MROH7: variants seen among roughly 807,000 people sequenced by gnomAD.
The protein encoded by MROH7 is maestro heat like repeat family member 7, also known as maestro heat-like repeat-containing protein family member 7.
A neutral mutation model predicts 129.2 loss-of-function variants in MROH7; 113 were observed. The ratio of observed to expected loss-of-function variants is 0.87; its 90% CI spans 0.75 to 1.02. MROH7 has a LOEUF of 1.02. Among genes scored for constraint, MROH7 ranks in the 50% least tolerant of loss-of-function variants. MROH7 has a pLI of 0.00. For missense variants in MROH7, 1,601 were observed against 1,671.3 expected, an observed-to-expected ratio of 0.96 and a Z score of 0.73; for synonymous variants, 655 against 667.9, an observed-to-expected ratio of 0.98 and a Z score of 0.30.
chr1:54,657,427 G>A (rs1047493116), intron 3 of MROH7, among the ~76,000 whole-genome samples: 1 of 152,046 alleles, frequency 6.6e-6, no homozygotes, highest in African/African-American at 2.4e-5. Flanking sequence ...CACACAGGCT[G>A]GAGTGCAGTG....
In MROH7 at chr1:54,673,685, G is replaced by C; in HGVS notation, c.1696-16G>C. 6.2e-7 allele frequency: 1 copy of C among 1,603,506 alleles called. No homozygotes were observed. Among genetic ancestry groups the C allele is most frequent in the East Asian group, 2.2e-5 (1 of 44,792 alleles). Reference sequence around the variant, plus strand: ...CATCTAACCTGTAGTTCTGAGTCTTGCTTTTGATCCCACAGGCCCTGGGGC... The same window carrying C: ...CATCTAACCTGTAGTTCTGAGTCTTCCTTTTGATCCCACAGGCCCTGGGGC... On this transcript the variant is annotated splice_polypyrimidine_tract_variant and intron_variant, in intron 8 of 23. Coordinates refer to ENST00000421030, the MANE Select transcript of MROH7 (RefSeq NM_001039464.4).
Position 54,704,429 on chromosome 1 carries a change from A to AT in MROH7, c.3564+1706dup, listed in dbSNP as rs34380712. On this transcript the variant is annotated intron_variant, in intron 21 of 23. Coordinates refer to ENST00000421030, the MANE Select transcript of MROH7 (RefSeq NM_001039464.4). ...GTTTCATGAGAAAAGCTAGAAACCT[A>AT]TTTTTTTTTTTTTTTTTTTTTTGAG... is the stretch of plus-strand genomic sequence containing the variant. 4.2e-3 allele frequency among the ~76,000 whole-genome samples: 467 copies of AT among 112,256 alleles called. 1 individual carries two copies. The highest frequency in any genetic ancestry group is 5.2e-3 in the Non-Finnish European group (294 of 56,860). 73.6% of individuals were successfully genotyped at this position (112,256 alleles called of 152,430 possible). A position where few individuals can be genotyped will look rare whatever the true frequency, so the allele number is the denominator to read the frequency against.
At chr1:54,697,799 A>C in intron 17 of MROH7, 1 of 623,532 alleles carries the variant, frequency 1.6e-6, no homozygotes. Flanking sequence ...TTGGAGAGGC[A>C]CTTCTAAGTC....
intron 10 of MROH7, among the ~76,000 whole-genome samples, chr1:54,676,956 C>G (rs376977784): frequency 2.0e-5 from 3 of 152,142 alleles, no homozygotes; most frequent in African/African-American, 7.2e-5. Context: ...ATCCGTCCCC[C>G]TCGACCTCCC....
chr1:54,697,887 G>A, intron 17 of MROH7: 1 of 483,872 alleles, frequency 2.1e-6, no homozygotes, highest in Non-Finnish European at 3.7e-6. Flanking sequence ...GCATTCCTGT[G>A]TCCACCACAA....
chr1:54,679,430 G>A lies in MROH7; in HGVS notation c.2217G>A (p.Ala739=), dbSNP rs140173222. Residue 739 remains alanine, a synonymous_variant, in exon 12 of 24, where the codon GCG becomes GCA. Coordinates refer to ENST00000421030, the MANE Select transcript of MROH7 (RefSeq NM_001039464.4). ...TGCTGGAGTGGTACCGCCACAGGGCGCTGGAGGTGGTAAGGCCTCCTGGGG... is the reference window on the plus strand; with the variant it reads ...TGCTGGAGTGGTACCGCCACAGGGCACTGGAGGTGGTAAGGCCTCCTGGGG... ...SSVLEWYRHR[A]LEVIPEIMQG... 83 of 1,612,690 alleles carry A rather than the reference G, an allele frequency of 5.1e-5. 1 individual carries two copies. The highest frequency in any genetic ancestry group is 4.3e-4 in the South Asian group (39 of 91,028).
At chr1:54,704,465 A>C (rs1570000684) in intron 21 of MROH7, among the ~76,000 whole-genome samples, 2 of 130,060 alleles carry the variant, frequency 1.5e-5, no homozygotes, top group African/African-American at 3.0e-5. Context: ...ACAGAGTCTC[A>C]CTCTGTCACT....
Position 54,692,507 on chromosome 1 carries a change from G to A in MROH7, c.2795G>A (p.Trp932Ter). The change falls in exon 16 of 24, where the codon TGG becomes TAG. Residue 932 changes from tryptophan to a stop codon, truncating the protein, a stop_gained. Coordinates refer to ENST00000421030, the MANE Select transcript of MROH7 (RefSeq NM_001039464.4). LOFTEE classifies it high-confidence loss of function. ...ACGTTTCTGGAGGACCAGGGTGGCT[G>A]GGAGCTCATGGAGCAGGTGGAGAGC... The part of the protein sequence containing the change: ...ETTFLEDQGG[W>*]ELMEQVESHH... 1.2e-6 allele frequency: 2 copies of A among 1,614,060 alleles called. No individual in the cohort carries two copies. Among genetic ancestry groups the A allele is most frequent in the Non-Finnish European group, 8.5e-7 (1 of 1,180,008 alleles).
At chr1:54,700,902 G>A (rs1292878172) in intron 18 of MROH7, among the ~76,000 whole-genome samples, 1 of 152,264 alleles carries the variant, frequency 6.6e-6, no homozygotes, top group Non-Finnish European at 1.5e-5. Context: ...CTAGAGCCAA[G>A]GAAGGGGGTA....
In MROH7 at chr1:54,668,847, C is replaced by T. The variant is rs757295287; in HGVS notation, c.1306-7C>T. On this transcript the variant is annotated splice_polypyrimidine_tract_variant and splice_region_variant and intron_variant, in intron 4 of 23. Transcript: ENST00000421030. ...ACTCTGAGGTTTTGCCCTCTGCTGT[C>T]CCCTAGGTTGAGAATGTCACCACCC... The T allele has an allele frequency of 3.7e-6, 6 of 1,612,548 alleles. No individual in the cohort carries two copies. The highest frequency in any genetic ancestry group is 1.7e-4 in the Middle Eastern group (1 of 6,060).
intron 2 of MROH7, 49 bp from the exon 3 acceptor site, chr1:54,652,804 A>G: frequency 7.6e-7 from 1 of 1,318,724 alleles, no homozygotes; most frequent in East Asian, 2.4e-5. Context: ...GCCCTGGAAA[A>G]GCCTTAACAG....
intron 13 of MROH7, among the ~76,000 whole-genome samples, chr1:54,682,391 C>A (rs1260516850): frequency 6.6e-6 from 1 of 152,064 alleles, no homozygotes; most frequent in East Asian, 1.9e-4. Context: ...TGGTCTCAAA[C>A]TCCTGACCTT....
intron 21 of MROH7, among the ~76,000 whole-genome samples, chr1:54,704,639 C>T (rs909133457): frequency 9.2e-5 from 14 of 151,630 alleles, no homozygotes; most frequent in Non-Finnish European, 1.5e-5. Context: ...GATGGGGTTT[C>T]ACCATGTTGG....
intron 17 of MROH7, among the ~76,000 whole-genome samples, chr1:54,696,758 G>A (rs925825064): frequency 1.2e-4 from 16 of 129,654 alleles, no homozygotes; most frequent in Admixed American, 3.9e-4. Flanking sequence ...TGCAAATTCC[G>A]CCTCCCAGAT....
rs1285936483 is a variant in MROH7, at chr1:54,709,967, AC to A, written c.3755del (p.Pro1252GlnfsTer70). ...VKAALDNLRH[D>X]PEASVCIYAA... Reference sequence around the variant, plus strand: ...GCAGCTCTGGATAACTTGAGACATGACCCAGAAGCATCAGTGTGCATCTACG... The same window carrying A: ...GCAGCTCTGGATAACTTGAGACATGACCAGAAGCATCAGTGTGCATCTACG... On this transcript the variant is annotated frameshift_variant, in exon 24 of 24. Coordinates refer to ENST00000421030, the MANE Select transcript of MROH7 (RefSeq NM_001039464.4). LOFTEE classifies it high-confidence loss of function. 1 of 1,613,646 alleles carries A rather than the reference AC, an allele frequency of 6.2e-7. No homozygotes were observed. The highest frequency in any genetic ancestry group is 1.7e-5 in the Admixed American group (1 of 60,002).
intron 15 of MROH7, among the ~76,000 whole-genome samples, chr1:54,689,862 T>G (rs923661282): frequency 6.6e-6 from 1 of 152,052 alleles, no homozygotes. Flanking sequence ...AATAAAAAAT[T>G]AGCCAGGTGT....
intron 8 of MROH7, 99 bp from the exon 9 acceptor site, chr1:54,673,602 C>A: frequency 1.2e-6 from 1 of 858,158 alleles, no homozygotes. Flanking sequence ...TATACCCTCT[C>A]TGGAAGCTTC....
At chr1:54,652,007 C>T (rs1644566192) in intron 2 of MROH7, 24 bp downstream of exon 2, 1 of 152,354 alleles carries the variant, frequency 6.6e-6, no homozygotes, top group Admixed American at 6.6e-5. Flanking sequence ...ATGATTCCCA[C>T]AGGGAGGGTA....
At chr1:54,677,533 C>T (rs1041174164) in intron 10 of MROH7, among the ~76,000 whole-genome samples, 1 of 152,196 alleles carries the variant, frequency 6.6e-6, no homozygotes, top group African/African-American at 2.4e-5. Flanking sequence ...AGTGGTCTGT[C>T]CAGGCCCCCT....
Sources: allele counts gnomAD v4.1 joint callset (sites outside exome capture counted in the v4.1 genomes callset), GRCh38; gene constraint gnomAD v4.1.1; transcripts MANE v1.5; gene names NCBI Gene and HGNC (gene_info 2026-07-23, HGNC 2026-07-21).